Variants in MTCL1 observed in about 807,000 individuals in gnomAD.
MTCL1 encodes the protein microtubule cross-linking factor 1.
In MTCL1, 79 loss-of-function variants were observed where a neutral mutation model predicts 141.4. The observed-to-expected ratio is 0.56, with a 90% confidence interval of 0.47 to 0.67. The LOEUF is 0.67. Ranked by LOEUF, MTCL1 falls within the 30% of genes least tolerant of loss-of-function variation. MTCL1 has a pLI of 0.00. For missense variants in MTCL1, 2,177 were observed against 2,113.9 expected (o/e 1.03, Z -0.59); for synonymous variants, 914 against 875.8 (o/e 1.04, Z -0.77).
At chr18:8,726,320 G>T (rs1362048865) in intron 4 of MTCL1, among the ~76,000 whole-genome samples, 1 of 90,364 alleles carries the variant, frequency 1.1e-5, no homozygotes, top group African/African-American at 4.3e-5. Context: ...TTAAACAACA[G>T]ACATTTATTT....
At chr18:8,809,574 ACT>A (rs1410415416) in intron 11 of MTCL1, 6 of 1,536,006 alleles carry the variant, frequency 3.9e-6, no homozygotes, top group Admixed American at 2.0e-5. Context: ...GAGAGGGGTG[ACT>A]CTGAAGTAAA....
intron 5 of MTCL1, chr18:8,782,510 C>T (rs1352023262): frequency 6.6e-6 from 1 of 152,170 alleles, no homozygotes. Flanking sequence ...TTCCACTGGA[C>T]CCAAAAAGTG....
In MTCL1 at chr18:8,822,197, C is replaced by T. The variant is rs889848354; in HGVS notation, c.3188+699C>T. Among the ~76,000 whole-genome samples, 1 of 152,350 alleles carries T rather than the reference C, an allele frequency of 6.6e-6. No individual in the cohort carries two copies. Reference sequence around the variant, plus strand: ...AGCCATGCCTGTGGCACACTTCTGTCCTTCACGCTGTCTTCTCTGGTCTTT... The same window carrying T: ...AGCCATGCCTGTGGCACACTTCTGTTCTTCACGCTGTCTTCTCTGGTCTTT... On this transcript the variant is annotated intron_variant, in intron 14 of 16. Coordinates refer to ENST00000359865, the Ensembl canonical transcript of MTCL1. This position sits in a 1 kb window ranked among gnomAD's most constrained non-coding sequence, Gnocchi z 4.6.
In MTCL1 at chr18:8,813,245, C is replaced by A. The variant is rs202136408; in HGVS notation, c.2859+12C>A. 7 of 1,608,164 alleles carry A rather than the reference C, an allele frequency of 4.4e-6. No individual in the cohort carries two copies. The highest frequency in any genetic ancestry group is 5.9e-6 in the Non-Finnish European group (7 of 1,177,446). ...GGAGGATAGAGCAGGTAAGGAGGCA[C>A]CCCGGGGCCCTGGAGCATAGGCACA... On this transcript the variant is annotated intron_variant, in intron 12 of 16. Transcript: ENST00000359865.
At chr18:8,784,742 C>T (rs1212649133) in exon 6 of MTCL1, 3 of 1,614,162 alleles carry the variant, frequency 1.9e-6, no homozygotes, top group Non-Finnish European at 2.5e-6. Flanking sequence ...ATCCCCCTTG[C>T]CCCACCTCAC....
chr18:8,752,830 G>A (rs1002846946), intron 4 of MTCL1, among the ~76,000 whole-genome samples: 3 of 152,168 alleles, frequency 2.0e-5, no homozygotes, highest in Admixed American at 6.5e-5. Context: ...CAAGAGGAGT[G>A]ACACAAGGTG....
exon 1 of MTCL1, chr18:8,706,096 A>G: frequency 8.3e-7 from 1 of 1,205,512 alleles, no homozygotes; most frequent in Admixed American, 4.4e-5. Context: ...CCGGGCTGGG[A>G]AGCCTCCCGG....
chr18:8,783,842 G>A, exon 6 of MTCL1: 2 of 1,613,096 alleles, frequency 1.2e-6, no homozygotes, highest in Non-Finnish European at 1.7e-6. Flanking sequence ...GGACATGCGG[G>A]GCCAGCAGGA....
chr18:8,759,159 C>T (rs1486833921), intron 4 of MTCL1, among the ~76,000 whole-genome samples: 5 of 152,242 alleles, frequency 3.3e-5, no homozygotes, highest in Admixed American at 6.5e-5. Context: ...ATCACATGCA[C>T]GATGACGCTG....
chr18:8,722,047 T>C (rs2096176786), intron 4 of MTCL1, among the ~76,000 whole-genome samples: 1 of 152,198 alleles, frequency 6.6e-6, no homozygotes, highest in African/African-American at 2.4e-5. Flanking sequence ...CTTAGACTTG[T>C]GTCTGCTCCC....
intron 4 of MTCL1, among the ~76,000 whole-genome samples, chr18:8,774,688 G>A (rs953384061): frequency 6.6e-5 from 10 of 152,094 alleles, no homozygotes; most frequent in African/African-American, 1.7e-4. Flanking sequence ...GAGTTTCACC[G>A]TGTTGGCCAG....
At chr18:8,773,614 G>A (rs1427329755) in intron 4 of MTCL1, among the ~76,000 whole-genome samples, 1 of 151,888 alleles carries the variant, frequency 6.6e-6, no homozygotes, top group African/African-American at 2.4e-5. Context: ...TTGTTTCTGT[G>A]TTTATAAAGA....
intron 4 of MTCL1, among the ~76,000 whole-genome samples, chr18:8,738,557 T>C (rs1371790953): frequency 2.0e-5 from 3 of 152,248 alleles, no homozygotes; most frequent in African/African-American, 7.2e-5. Context: ...TGACCTCATA[T>C]GATTAGCGGA....
intron 4 of MTCL1, among the ~76,000 whole-genome samples, chr18:8,746,922 G>A (rs1194647106): frequency 6.6e-6 from 1 of 152,210 alleles, no homozygotes; most frequent in Non-Finnish European, 1.5e-5. Context: ...GGAGACAAAA[G>A]TGGAATGGGA....
At chr18:8,823,728 G>A (rs549422714) in intron 14 of MTCL1, among the ~76,000 whole-genome samples, 58 of 152,322 alleles carry the variant, frequency 3.8e-4, no homozygotes, top group African/African-American at 1.3e-3. Context: ...CCACATGGAC[G>A]GGTGCCTTGC....
intron 4 of MTCL1, among the ~76,000 whole-genome samples, chr18:8,724,949 A>G (rs1194795809): frequency 2.1e-5 from 3 of 144,126 alleles, no homozygotes; most frequent in Non-Finnish European, 4.5e-5. Flanking sequence ...GCTTGTACAA[A>G]ACTCAAACAA....
intron 14 of MTCL1, 27 bp downstream of exon 13, chr18:8,821,525 A>C: frequency 8.2e-7 from 1 of 1,222,352 alleles, no homozygotes; most frequent in Non-Finnish European, 1.2e-6. Flanking sequence ...AAAATAATAG[A>C]TTACTAGAAT....
At chr18:8,761,145 G>T (rs750107712) in intron 4 of MTCL1, among the ~76,000 whole-genome samples, 10 of 152,090 alleles carry the variant, frequency 6.6e-5, no homozygotes, top group Non-Finnish European at 1.0e-4. Flanking sequence ...GGCAGTACTC[G>T]CCTGTCTTTG....
intron 11 of MTCL1, among the ~76,000 whole-genome samples, chr18:8,808,005 C>CAAAAAAAAAAAAA (rs530719223): frequency 8.7e-6 from 1 of 114,590 alleles, no homozygotes. Context: ...CTTGATGTGT[C>CAAAAAAAAAAAAA]AAAAAAAAAA....
Sources: allele counts gnomAD v4.1 joint callset (sites outside exome capture counted in the v4.1 genomes callset), GRCh38; gene constraint gnomAD v4.1.1; non-coding constraint Gnocchi (gnomAD v3.1); transcripts MANE v1.5; gene names NCBI Gene and HGNC (gene_info 2026-07-23, HGNC 2026-07-21).